Variants in NSMCE2 observed in about 807,000 individuals in gnomAD.
NSMCE2 encodes E3 SUMO-protein ligase NSE2.
NSMCE2 carries 24 observed loss-of-function variants against 23.8 expected under a neutral mutation model. The observed-to-expected ratio is 1.01, with a 90% CI of 0.73 to 1.42. The LOEUF is 1.42. NSMCE2 is among the 40% of genes most tolerant of loss of function. The pLI, the probability that NSMCE2 is intolerant of heterozygous loss-of-function variation, is 0.00. For missense variants in NSMCE2, 284 were observed against 296.5 expected (o/e 0.96, Z 0.31); for synonymous variants, 92 against 94.1 (o/e 0.98, Z 0.13).
At chr8:125,308,176 C>T (rs1292106456) in intron 5 of NSMCE2, among the ~76,000 whole-genome samples, 1 of 152,086 alleles carries the variant, frequency 6.6e-6, no homozygotes, top group African/African-American at 2.4e-5. Context: ...GCCATGTTCT[C>T]TACAGTATAA....
intron 5 of NSMCE2, among the ~76,000 whole-genome samples, chr8:125,315,561 T>C (rs1331982710): frequency 6.6e-6 from 1 of 152,208 alleles, no homozygotes; most frequent in Non-Finnish European, 1.5e-5. Context: ...AAAGTGTTTA[T>C]TAGTACAAGG....
At chr8:125,207,058 T>A (rs1824144942) in intron 5 of NSMCE2, among the ~76,000 whole-genome samples, 1 of 152,204 alleles carries the variant, frequency 6.6e-6, no homozygotes, top group African/African-American at 2.4e-5. Context: ...TTCTGAGTCC[T>A]AAATAAAATT....
chr8:125,313,878 C>G (rs1398086700), intron 5 of NSMCE2, among the ~76,000 whole-genome samples: 1 of 152,224 alleles, frequency 6.6e-6, no homozygotes, highest in Admixed American at 6.5e-5. Context: ...AGTCCACCAG[C>G]TATTACAACT....
intron 5 of NSMCE2, chr8:125,348,817 G>A (rs931108236): frequency 6.6e-6 from 1 of 151,972 alleles, no homozygotes; most frequent in Admixed American, 6.6e-5. Context: ...ATATTACCCA[G>A]TCTTGGATGT....
chr8:125,184,817 G>A (rs931928040), intron 5 of NSMCE2, among the ~76,000 whole-genome samples: 1 of 152,104 alleles, frequency 6.6e-6, no homozygotes, highest in South Asian at 2.1e-4. Context: ...GTGTAGCCAG[G>A]TCAAAGGTAC....
intron 5 of NSMCE2, among the ~76,000 whole-genome samples, chr8:125,264,909 C>T (rs1228885050): frequency 1.3e-5 from 2 of 152,102 alleles, no homozygotes; most frequent in Non-Finnish European, 2.9e-5. Context: ...GGGAATGTGG[C>T]TTTTGTTTTG....
Position 125,366,753 on chromosome 8 carries a change from C to G in NSMCE2, c.627-15C>G, listed in dbSNP as rs766929530. ...CAGTAAAGGGGACTGACTTGATGTT[C>G]TTTCTTTCTCACAGTTGCCCTCAAA... is the stretch of plus-strand genomic sequence containing the variant. On this transcript the variant is annotated splice_polypyrimidine_tract_variant and intron_variant, in intron 7 of 7. Transcript: ENST00000287437. The G allele has an allele frequency of 6.8e-7, 1 of 1,478,840 alleles. No homozygotes were observed. The highest frequency in any genetic ancestry group is 9.5e-7 in the Non-Finnish European group (1 of 1,057,192). 91.6% of individuals were successfully genotyped at this position (1,478,840 alleles called of 1,614,324 possible). A position where few individuals can be genotyped will look rare whatever the true frequency, so the allele number is the denominator to read the frequency against.
intron 3 of NSMCE2, among the ~76,000 whole-genome samples, chr8:125,149,842 G>GT (rs1216736776): frequency 6.6e-6 from 1 of 152,164 alleles, no homozygotes; most frequent in East Asian, 1.9e-4. Context: ...GGTATGTAAG[G>GT]TTTTTTTGTT....
At chr8:125,178,908 A>G (rs2130793566) in intron 4 of NSMCE2, among the ~76,000 whole-genome samples, 1 of 152,300 alleles carries the variant, frequency 6.6e-6, no homozygotes, top group Non-Finnish European at 1.5e-5. Context: ...AAATGAGGTC[A>G]GTAAGTGGGC....
chr8:125,239,333 G>A (rs1351802421), intron 5 of NSMCE2, among the ~76,000 whole-genome samples: 1 of 152,122 alleles, frequency 6.6e-6, no homozygotes, highest in Non-Finnish European at 1.5e-5. Flanking sequence ...ATTGGGTGGG[G>A]CACTGTGGAT....
chr8:125,323,676 TAACTC>T (rs1157540268), intron 5 of NSMCE2, among the ~76,000 whole-genome samples: 1 of 152,190 alleles, frequency 6.6e-6, no homozygotes, highest in Non-Finnish European at 1.5e-5. Flanking sequence ...ATGTAAAAAT[TAACTC>T]AAAGTGGATC....
intron 5 of NSMCE2, among the ~76,000 whole-genome samples, chr8:125,288,258 C>G (rs1053847088): frequency 6.6e-6 from 1 of 152,238 alleles, no homozygotes; most frequent in Non-Finnish European, 1.5e-5. Context: ...CACCATAATC[C>G]TGTCCTTACT....
chr8:125,181,269 G>A (rs1822792125), intron 4 of NSMCE2, among the ~76,000 whole-genome samples: 2 of 152,130 alleles, frequency 1.3e-5, no homozygotes, highest in Admixed American at 1.3e-4. Context: ...GAGGTTGTTT[G>A]TTTTAAAAAA....
rs1827507781 is a variant in NSMCE2 at position 125,277,546 on chromosome 8, G to A, written c.419-79673G>A. Among the ~76,000 whole-genome samples, 4 of 148,678 alleles carry A rather than the reference G, an allele frequency of 2.7e-5. No homozygotes were observed. In the South Asian group the frequency reaches 8.5e-4, roughly 31 times the overall value. Reference sequence around the variant, plus strand: ...TTTCGAGATGAAGTCTCGCTTTGTCGCCCAGGCTGGAGTGCAGTGGCGCGA... The same window carrying A: ...TTTCGAGATGAAGTCTCGCTTTGTCACCCAGGCTGGAGTGCAGTGGCGCGA... On this transcript the variant is annotated intron_variant, in intron 5 of 7. Coordinates refer to ENST00000287437, the MANE Select transcript of NSMCE2 (RefSeq NM_173685.4).
chr8:125,127,330 AC>A (rs1819563065), intron 3 of NSMCE2, among the ~76,000 whole-genome samples: 1 of 152,178 alleles, frequency 6.6e-6, no homozygotes, highest in African/African-American at 2.4e-5. Flanking sequence ...TTGGGGGAGT[AC>A]ATGATAGTAA....
In NSMCE2 at chr8:125,298,692, T is replaced by TGG. The variant is rs1271230697; in HGVS notation, c.419-58527_419-58526insGG. 6.1e-3 allele frequency among the ~76,000 whole-genome samples: 510 copies of TGG among 83,656 alleles called. 5 individuals are homozygous for TGG. The highest frequency in any genetic ancestry group is 0.02 in the Middle Eastern group (3 of 152). The allele number at this position is 83,656 out of a possible 152,430, so 54.9% of individuals were successfully genotyped here. The stretch of plus-strand genomic sequence containing the variant: ...CATATCAAATTCATCTGTGGGTTTT[T>TGG]TTTTGTTTTTTTTTTTTTTTCCCCA... On this transcript the variant is annotated intron_variant, in intron 5 of 7. Coordinates refer to ENST00000287437, the MANE Select transcript of NSMCE2 (RefSeq NM_173685.4).
intron 5 of NSMCE2, among the ~76,000 whole-genome samples, chr8:125,327,529 GTTTTT>G (rs951269905): frequency 6.6e-6 from 1 of 150,510 alleles, no homozygotes; most frequent in African/African-American, 2.4e-5. Flanking sequence ...GTAAGAGAGT[GTTTTT>G]TTTTAAGTCT....
chr8:125,164,249 C>G (rs1033288234), intron 4 of NSMCE2, among the ~76,000 whole-genome samples: 1 of 152,170 alleles, frequency 6.6e-6, no homozygotes, highest in Admixed American at 6.5e-5. Flanking sequence ...ATTGTTGACT[C>G]TGAGCCTCAA....
chr8:125,249,302 G>T (rs1826113841), intron 5 of NSMCE2, among the ~76,000 whole-genome samples: 1 of 152,170 alleles, frequency 6.6e-6, no homozygotes, highest in Non-Finnish European at 1.5e-5. Flanking sequence ...GATGAATTCA[G>T]AGAGGGGAGA....
Sources: allele counts gnomAD v4.1 joint callset (sites outside exome capture counted in the v4.1 genomes callset), GRCh38; gene constraint gnomAD v4.1.1; transcripts MANE v1.5; gene names NCBI Gene and HGNC (gene_info 2026-07-23, HGNC 2026-07-21).